TRAPPC9: variants seen among roughly 807,000 people sequenced by gnomAD.
The protein encoded by TRAPPC9 is trafficking protein particle complex subunit 9, also known as IKK2 binding protein.
A neutral mutation model predicts 124.0 loss-of-function variants in TRAPPC9; 83 were observed. That is an observed-to-expected ratio of 0.67 (90% CI 0.56 to 0.80). The LOEUF (loss-of-function observed/expected upper bound fraction) is 0.80, where lower values mean the gene tolerates loss of function less well. Among genes scored for constraint, TRAPPC9 ranks in the 30% least tolerant of loss-of-function variants. TRAPPC9 has a pLI of 0.00. For synonymous variants in TRAPPC9, 638 were observed against 617.5 expected (o/e 1.03, Z -0.49); for missense variants, 1,302 against 1,508.3 (o/e 0.86, Z 2.27).
At chr8:140,406,954 G>C (rs1316325365) in intron 5 of TRAPPC9, among the ~76,000 whole-genome samples, 1 of 152,226 alleles carries the variant, frequency 6.6e-6, no homozygotes, top group Non-Finnish European at 1.5e-5. Flanking sequence ...TGTGGGTAGA[G>C]AATTGAGAAC....
At chr8:139,747,784 A>G (rs1278409903) in intron 21 of TRAPPC9, among the ~76,000 whole-genome samples, 2 of 23,940 alleles carry the variant, frequency 8.4e-5, no homozygotes, top group Admixed American at 5.6e-4. Context: ...CAGAGCAGGT[A>G]GGGGGGCGTA....
chr8:139,935,130 G>A (rs750434452), intron 19 of TRAPPC9, among the ~76,000 whole-genome samples: 21 of 152,184 alleles, frequency 1.4e-4, no homozygotes, highest in Non-Finnish European at 2.6e-4. Flanking sequence ...AGACATCACC[G>A]TGCGAGAGAA....
intron 15 of TRAPPC9, among the ~76,000 whole-genome samples, chr8:140,266,641 G>A (rs893121524): frequency 2.0e-5 from 3 of 151,946 alleles, no homozygotes; most frequent in African/African-American, 4.8e-5. Flanking sequence ...GGTGGATTAC[G>A]AGGTCAGGAG....
chr8:139,777,915 A>G (rs1821504509), intron 21 of TRAPPC9, among the ~76,000 whole-genome samples: 1 of 152,166 alleles, frequency 6.6e-6, no homozygotes, highest in Non-Finnish European at 1.5e-5. Context: ...CTGAGAGTCT[A>G]GGAAGGTGAA....
Position 140,314,805 on chromosome 8 carries a change from G to A in TRAPPC9, c.1496-3431C>T, listed in dbSNP as rs558751695. On this transcript the variant is annotated intron_variant, in intron 9 of 22. Coordinates refer to ENST00000438773, the MANE Select transcript of TRAPPC9 (RefSeq NM_001160372.4). Reference sequence around the variant, plus strand: ...TTTTATGGCTGAATGGTATCCCACTGTGTATCTATATCACATTTTCTTTAT... The same window carrying A: ...TTTTATGGCTGAATGGTATCCCACTATGTATCTATATCACATTTTCTTTAT... Among the ~76,000 whole-genome samples the A allele has an allele frequency of 3.3e-5, 5 of 152,290 alleles. No individual in the cohort carries two copies. The South Asian group carries it at 1.0e-3, about 32-fold the overall frequency.
At chr8:140,156,064 T>TC (rs746445172) in intron 17 of TRAPPC9, among the ~76,000 whole-genome samples, 1 of 152,182 alleles carries the variant, frequency 6.6e-6, no homozygotes, top group African/African-American at 2.4e-5. Context: ...TCTTGACCTC[T>TC]CTGAGCCTCA....
intron 17 of TRAPPC9, among the ~76,000 whole-genome samples, chr8:140,043,686 T>A (rs1173170373): frequency 6.6e-6 from 1 of 152,200 alleles, no homozygotes; most frequent in African/African-American, 2.4e-5. Flanking sequence ...CCAGTGTTTC[T>A]GATTTACAGG....
At chr8:140,005,174 C>CTA (rs1838667855) in intron 18 of TRAPPC9, among the ~76,000 whole-genome samples, 1 of 152,212 alleles carries the variant, frequency 6.6e-6, no homozygotes, top group Non-Finnish European at 1.5e-5. Flanking sequence ...GACTACCTAT[C>CTA]TACCAGATCA....
chr8:139,765,201 C>T (rs1820504038), intron 21 of TRAPPC9, among the ~76,000 whole-genome samples: 2 of 152,192 alleles, frequency 1.3e-5, no homozygotes, highest in Admixed American at 6.5e-5. Context: ...GTTTGTTCTC[C>T]ATCCCATCGC....
chr8:139,905,873 T>A (rs898022615), intron 20 of TRAPPC9, among the ~76,000 whole-genome samples: 1 of 151,818 alleles, frequency 6.6e-6, no homozygotes, highest in Non-Finnish European at 1.5e-5. Flanking sequence ...GGCGGGCGGA[T>A]CACGAGGTCA....
intron 15 of TRAPPC9, among the ~76,000 whole-genome samples, chr8:140,253,148 C>T (rs945234560): frequency 6.6e-6 from 1 of 152,110 alleles, no homozygotes; most frequent in African/African-American, 2.4e-5. Flanking sequence ...GGAAGAACTG[C>T]TCATCTCTAG....
chr8:139,968,478 C>T (rs141909610), intron 19 of TRAPPC9, among the ~76,000 whole-genome samples: 67 of 152,238 alleles, frequency 4.4e-4, no homozygotes, highest in Non-Finnish European at 4.4e-4. Context: ...GGGACTCGGC[C>T]GGCCTTTGGG....
intron 5 of TRAPPC9, among the ~76,000 whole-genome samples, chr8:140,423,667 TACACATATACACATATATACACATATAC>T (rs2070315280): frequency 6.6e-6 from 1 of 150,626 alleles, no homozygotes; most frequent in African/African-American, 2.4e-5. Context: ...CACACATATA[TACACATATACACATATATACACATATAC>T]ACATGTATAC....
At chr8:139,927,916 C>T (rs777177312) in intron 19 of TRAPPC9, among the ~76,000 whole-genome samples, 11 of 152,146 alleles carry the variant, frequency 7.2e-5, no homozygotes, top group African/African-American at 1.9e-4. Context: ...AGCTAATCCA[C>T]GGCAGAAGCA....
intron 21 of TRAPPC9, among the ~76,000 whole-genome samples, chr8:139,732,541 C>T (rs538060592): frequency 5.3e-5 from 8 of 152,274 alleles, no homozygotes; most frequent in East Asian, 3.9e-4. Context: ...AGTCTGACAC[C>T]GTAGAGGCGA....
intron 17 of TRAPPC9, among the ~76,000 whole-genome samples, chr8:140,119,787 T>C (rs773404686): frequency 6.6e-6 from 1 of 152,192 alleles, no homozygotes; most frequent in Non-Finnish European, 1.5e-5. Flanking sequence ...CTCTCAAATG[T>C]CACCTTCTCT....
At chr8:140,438,252 T>C (rs1264712706) in intron 3 of TRAPPC9, among the ~76,000 whole-genome samples, 1 of 152,224 alleles carries the variant, frequency 6.6e-6, no homozygotes, top group Non-Finnish European at 1.5e-5. Context: ...TATAGAATCA[T>C]ACAATCTGCG....
chr8:140,361,732 C>T (rs771874901), intron 8 of TRAPPC9, among the ~76,000 whole-genome samples: 2 of 152,038 alleles, frequency 1.3e-5, no homozygotes, highest in Admixed American at 6.6e-5. Context: ...AGTAAAATTA[C>T]CTGCTTGTGT....
chr8:140,438,344 C>G (rs7822613), intron 3 of TRAPPC9, among the ~76,000 whole-genome samples: 65,107 of 152,104 alleles, frequency 0.43, 15,409 homozygotes, highest in Middle Eastern at 0.53. Context: ...CAATTTCACT[C>G]CTTTTCATGG....
Sources: gnomAD v4.1 joint callset for allele counts (sites outside exome capture counted in the v4.1 genomes callset) on GRCh38, gnomAD v4.1.1 for gene constraint, MANE v1.5 for transcripts, NCBI Gene and HGNC (gene_info 2026-07-23, HGNC 2026-07-21) for gene names.